The following PDE4D variants were observed in gnomAD, a reference collection of about 807,000 sequenced individuals.
PDE4D encodes 3',5'-cyclic-AMP phosphodiesterase 4D.
Under a neutral mutation model 87.4 loss-of-function variants are expected in PDE4D, and 24 were observed. The ratio of observed to expected loss-of-function variants is 0.27; its 90% CI spans 0.20 to 0.39. PDE4D has a LOEUF of 0.39. Ranked by LOEUF, PDE4D falls within the 10% of genes least tolerant of loss-of-function variation. The pLI is 1.00. For synonymous variants in PDE4D, 384 were observed against 383.2 expected, an observed-to-expected ratio of 1.00 and a Z score of -0.02; for missense variants, 714 against 1,041.0, an observed-to-expected ratio of 0.69 and a Z score of 4.32.
At chr5:59,476,914 T>A (rs1018849798) in intron 1 of PDE4D, among the ~76,000 whole-genome samples, 2 of 151,990 alleles carry the variant, frequency 1.3e-5, no homozygotes, top group African/African-American at 4.8e-5. Flanking sequence ...CACGTAACAA[T>A]AAATCACTTT....
At chr5:60,430,539 T>TG (rs1469832229) in intron 1 of PDE4D, among the ~76,000 whole-genome samples, 2 of 120,232 alleles carry the variant, frequency 1.7e-5, no homozygotes, top group African/African-American at 7.6e-5. Context: ...TGTTTTGTTT[T>TG]TTTTTGTTTG....
At chr5:59,750,476 G>A (rs1191998792) in intron 1 of PDE4D, among the ~76,000 whole-genome samples, 1 of 152,086 alleles carries the variant, frequency 6.6e-6, no homozygotes, top group Admixed American at 6.6e-5. Flanking sequence ...ATGTACTTCT[G>A]CTGGATAATC....
intron 1 of PDE4D, among the ~76,000 whole-genome samples, chr5:60,443,080 T>A (rs948887047): frequency 9.9e-5 from 15 of 152,016 alleles, no homozygotes; most frequent in African/African-American, 3.6e-4. Flanking sequence ...GACAGTTGAG[T>A]GTGATAGACA....
Position 59,373,686 on chromosome 5 carries a change from C to T in PDE4D, c.456-157718G>A, listed in dbSNP as rs553919533. On this transcript the variant is annotated intron_variant, in intron 1 of 14. Coordinates refer to ENST00000340635, the MANE Select transcript of PDE4D (RefSeq NM_001104631.2). ...TTAAATTCAGGAAATGCAGAAACTC[C>T]TGGTAAGGTACTTCACAAGAAGGTC... is the stretch of plus-strand genomic sequence containing the variant. Among the ~76,000 whole-genome samples, 62 of 152,212 alleles carry T rather than the reference C, an allele frequency of 4.1e-4. No homozygotes were observed. The South Asian group carries it at 0.012, about 31-fold the overall frequency.
At chr5:59,681,477 T>A (rs1309188721) in intron 1 of PDE4D, among the ~76,000 whole-genome samples, 4 of 152,164 alleles carry the variant, frequency 2.6e-5, no homozygotes, top group African/African-American at 9.7e-5. Context: ...AAAGTTCACA[T>A]CTTGGAAGCT....
chr5:59,588,300 C>T (rs905848580), intron 1 of PDE4D, among the ~76,000 whole-genome samples: 4 of 152,160 alleles, frequency 2.6e-5, no homozygotes, highest in Non-Finnish European at 2.9e-5. Context: ...CACCCCATCA[C>T]TGTTGATGCC....
intron 1 of PDE4D, among the ~76,000 whole-genome samples, chr5:60,461,439 T>C (rs762495589): frequency 6.6e-6 from 1 of 152,218 alleles, no homozygotes; most frequent in Non-Finnish European, 1.5e-5. Context: ...GGAAATAATA[T>C]TGTGTTGCCC....
chr5:60,396,235 T>C (rs1288003183), intron 1 of PDE4D, among the ~76,000 whole-genome samples: 1 of 152,224 alleles, frequency 6.6e-6, no homozygotes, highest in Admixed American at 6.5e-5. Flanking sequence ...TCCTGAGAGT[T>C]TATTATTAGA....
At chr5:59,373,144 T>C (rs154026) in intron 1 of PDE4D, among the ~76,000 whole-genome samples, 152,120 of 152,328 alleles carry the variant, frequency 1, 75,959 homozygotes, top group Middle Eastern at 1. Flanking sequence ...CAAACAACCG[T>C]GTCCCTTCTA....
chr5:59,461,276 A>G (rs909884235), intron 1 of PDE4D, among the ~76,000 whole-genome samples: 1 of 152,206 alleles, frequency 6.6e-6, no homozygotes, highest in Admixed American at 6.5e-5. Flanking sequence ...AAATATGTAT[A>G]CAAAAACTCT....
chr5:60,199,555 A>T (rs1377374480), intron 1 of PDE4D, among the ~76,000 whole-genome samples: 2 of 151,742 alleles, frequency 1.3e-5, no homozygotes, highest in Non-Finnish European at 2.9e-5. Flanking sequence ...CTACGCTTTA[A>T]TCATCTCAGG....
At chr5:60,215,948 T>C (rs775055238) in intron 1 of PDE4D, among the ~76,000 whole-genome samples, 3 of 152,160 alleles carry the variant, frequency 2.0e-5, no homozygotes, top group South Asian at 2.1e-4. Flanking sequence ...GTCACAGTTA[T>C]CAATTATCTA....
At chr5:59,215,623 A>G in intron 2 of PDE4D, 154 bp downstream of exon 2, 2 of 621,120 alleles carry the variant, frequency 3.2e-6, no homozygotes, top group Non-Finnish European at 5.6e-6. Flanking sequence ...GGTTAAATCT[A>G]CCATTCATTT....
chr5:59,945,673 A>G (rs974614437), intron 3 of PDE4D, among the ~76,000 whole-genome samples: 7 of 152,156 alleles, frequency 4.6e-5, no homozygotes, highest in East Asian at 1.9e-4. Context: ...CCTGTTAGAG[A>G]CCTTGATAAG....
chr5:60,198,434 G>T (rs922641794), intron 1 of PDE4D, among the ~76,000 whole-genome samples: 23 of 151,480 alleles, frequency 1.5e-4, no homozygotes, highest in African/African-American at 5.6e-4. Context: ...AAAGAATTTG[G>T]AGTCAAATTC....
At chr5:60,067,344 G>C (rs780737744) in intron 2 of PDE4D, among the ~76,000 whole-genome samples, 1 of 152,056 alleles carries the variant, frequency 6.6e-6, no homozygotes, top group South Asian at 2.1e-4. Context: ...AGAGATAGAG[G>C]AAAGCTCAGT....
At chr5:59,592,182 A>G in intron 1 of PDE4D, 1 of 969,594 alleles carries the variant, frequency 1.0e-6, no homozygotes, top group Non-Finnish European at 1.2e-6. Context: ...TCTTCTCTAT[A>G]TTTATAACAC....
chr5:59,458,994 T>A (rs1376790207), intron 1 of PDE4D, among the ~76,000 whole-genome samples: 1 of 152,212 alleles, frequency 6.6e-6, no homozygotes, highest in Non-Finnish European at 1.5e-5. Flanking sequence ...TATAAATAAT[T>A]TAATGTGTAT....
At chr5:60,113,003 C>T (rs1040599946) in intron 2 of PDE4D, among the ~76,000 whole-genome samples, 3 of 152,022 alleles carry the variant, frequency 2.0e-5, no homozygotes, top group East Asian at 3.9e-4. Flanking sequence ...ATGAGACGTA[C>T]GTCAACTTCA....
Sources: gnomAD v4.1 joint callset for allele counts (sites outside exome capture counted in the v4.1 genomes callset) on GRCh38, gnomAD v4.1.1 for gene constraint, MANE v1.5 for transcripts, NCBI Gene and HGNC (gene_info 2026-07-23, HGNC 2026-07-21) for gene names.